The following ZNF653 variants were observed in gnomAD, a reference collection of about 807,000 sequenced individuals.
The protein encoded by ZNF653 is zinc finger protein 653, also known as 67 kDa zinc finger protein.
ZNF653 carries 37 observed loss-of-function variants against 59.9 expected under a neutral mutation model. The observed-to-expected ratio is 0.62, with a 90% CI of 0.48 to 0.81. The LOEUF is 0.81. Ranked by LOEUF, ZNF653 falls within the 40% of genes least tolerant of loss-of-function variation. ZNF653 has a pLI of 0.00. For synonymous variants in ZNF653, 435 were observed against 371.8 expected (o/e 1.17, Z -1.96); for missense variants, 808 against 881.1 (o/e 0.92, Z 1.05).
rs561144019 is a variant in ZNF653, at chr19:11,495,816, C to T, written c.559+134G>A. 1 of 926,244 alleles carries T rather than the reference C, an allele frequency of 1.1e-6. No homozygotes were observed. Among genetic ancestry groups the T allele is most frequent in the African/African-American group, 1.6e-5 (1 of 60,852 alleles). The allele number at this position is 926,244 out of a possible 1,614,324, so 57.4% of individuals were successfully genotyped here. A position where few individuals can be genotyped will look rare whatever the true frequency, so the allele number is the denominator to read the frequency against. On this transcript the variant is annotated intron_variant, in intron 3 of 8. Transcript: ENST00000293771. The surrounding 1 kb of genome is among the most constrained non-coding windows in gnomAD (Gnocchi z 4.9). The stretch of plus-strand genomic sequence containing the variant: ...AGGACTCAGCCTGGCCCATCGTGTC[C>T]CTGCTCTGCCCCAGTGCCAGAGCCA...
intron 8 of ZNF653, 69 bp downstream of exon 8, chr19:11,483,973 C>A: frequency 6.5e-7 from 1 of 1,532,450 alleles, no homozygotes; most frequent in South Asian, 1.2e-5. Flanking sequence ...GGGGCGAAGC[C>A]GCCCCTGGGA....
At chr19:11,505,112 G>A (rs1971696320) in intron 1 of ZNF653, 1 of 208,424 alleles carries the variant, frequency 4.8e-6, no homozygotes, top group Admixed American at 6.1e-5. Flanking sequence ...CAGGCCAGGT[G>A]GGGAACTAAG....
At chr19:11,494,257 G>GATCCAA (rs1971558387) in intron 3 of ZNF653, among the ~76,000 whole-genome samples, 1 of 151,630 alleles carries the variant, frequency 6.6e-6, no homozygotes, top group Admixed American at 6.6e-5. Context: ...GGGAGGCAGA[G>GATCCAA]GTTGCAGTGA....
chr19:11,505,389 G>A (rs772362075), intron 1 of ZNF653, 99 bp downstream of exon 1: 8 of 1,257,722 alleles, frequency 6.4e-6, no homozygotes, highest in Non-Finnish European at 8.2e-6. Flanking sequence ...GGGTCCGCAG[G>A]TGCCGGGGGC....
At chr19:11,491,344 C>G (rs970400259) in intron 3 of ZNF653, among the ~76,000 whole-genome samples, 1 of 152,140 alleles carries the variant, frequency 6.6e-6, no homozygotes, top group Admixed American at 6.5e-5. Context: ...CCAGGACCCA[C>G]AAGGAGGCTG....
At chr19:11,490,670 G>C (rs542352960) in intron 3 of ZNF653, among the ~76,000 whole-genome samples, 1 of 152,034 alleles carries the variant, frequency 6.6e-6, no homozygotes, top group Admixed American at 6.6e-5. Flanking sequence ...TGGGATTACA[G>C]GTGTGAGCCA....
In ZNF653 at chr19:11,487,905, T is replaced by C; in HGVS notation, c.560-2A>G. The C allele has an allele frequency of 6.3e-7, 1 of 1,575,552 alleles. No individual in the cohort carries two copies. The highest frequency in any genetic ancestry group is 8.6e-7 in the Non-Finnish European group (1 of 1,159,374). On this transcript the variant is annotated splice_acceptor_variant, in intron 3 of 8. Coordinates refer to ENST00000293771, the MANE Select transcript of ZNF653 (RefSeq NM_138783.4). LOFTEE classifies it high-confidence loss of function. The surrounding 1 kb of genome is among the most constrained non-coding windows in gnomAD (Gnocchi z 5.1). ...TGCCAGCCACCAGCCCATTGCCCACTGTGGGGACAGAAGAAAGGGAGTGGT... is the reference window on the plus strand; with the variant it reads ...TGCCAGCCACCAGCCCATTGCCCACCGTGGGGACAGAAGAAAGGGAGTGGT...
At position 11,486,906 on chromosome 19, in the gene ZNF653, G is replaced by A. The variant is rs773050469; in HGVS notation, c.1344-26C>T. The A allele has an allele frequency of 1.1e-5, 17 of 1,610,672 alleles. No homozygotes were observed. In the Admixed American group the frequency reaches 1.2e-4, roughly 11 times the overall value. ...CTGGAGGGGAAGGGGCCATGACATC[G>A]GGGCTCCCGCACCAGGCAGGCTGGG... On this transcript the variant is annotated intron_variant, in intron 5 of 8. Transcript: ENST00000293771.
At chr19:11,504,603 C>T (rs148870439) in intron 1 of ZNF653, 1 of 982,980 alleles carries the variant, frequency 1.0e-6, no homozygotes, top group Non-Finnish European at 1.2e-6. Context: ...CTGTTTGATT[C>T]TTGACTCTCA....
At chr19:11,486,953 C>G (rs1038274365) in intron 5 of ZNF653, 34 bp downstream of exon 5, 1 of 1,611,846 alleles carries the variant, frequency 6.2e-7, no homozygotes, top group African/African-American at 1.3e-5. Flanking sequence ...CGCTTCTAGC[C>G]CTCGCCCTCA....
Position 11,484,126 on chromosome 19 carries a change from G to C in ZNF653, c.1586C>G (p.Thr529Ser), listed in dbSNP as rs149037386. 1.9e-6 allele frequency: 3 copies of C among 1,553,766 alleles called. No individual in the cohort carries two copies. Among genetic ancestry groups the C allele is most frequent in the Non-Finnish European group, 2.6e-6 (3 of 1,148,320 alleles). ...MIIHSGVREF[T>S]CETCGKSFKR... ...GAAGGACTTGCCGCAGGTCTCGCAG[G>C]TGAATTCACGGACACCTGGGGGCGG... Residue 529 changes from threonine (T) to serine (S), a missense_variant, in exon 8 of 9, where the codon ACC becomes AGC. Thr to Ser is a moderately conservative substitution (Grantham distance 58). Coordinates refer to ENST00000293771, the MANE Select transcript of ZNF653 (RefSeq NM_138783.4).
At chr19:11,502,113 A>G in intron 1 of ZNF653, among the ~76,000 whole-genome samples, 1 of 145,684 alleles carries the variant, frequency 6.9e-6, no homozygotes, top group East Asian at 2.1e-4. Context: ...TTACTTTTTG[A>G]GACAGTCTTG....
rs1971493946 is a variant in ZNF653 at position 11,488,339 on chromosome 19, T to C, written c.560-436A>G. On this transcript the variant is annotated intron_variant, in intron 3 of 8. Coordinates refer to ENST00000293771, the MANE Select transcript of ZNF653 (RefSeq NM_138783.4). Reference sequence around the variant, plus strand: ...TAATGTTTTGTATTTTTAATAGAGATAGGGGTTCACCAGGATGGTCTCGAT... The same window carrying C: ...TAATGTTTTGTATTTTTAATAGAGACAGGGGTTCACCAGGATGGTCTCGAT... 3.3e-5 allele frequency among the ~76,000 whole-genome samples: 5 copies of C among 151,680 alleles called. No individual in the cohort carries two copies. In the South Asian group the frequency reaches 8.3e-4, roughly 25 times the overall value.
intron 1 of ZNF653, among the ~76,000 whole-genome samples, chr19:11,502,187 G>A (rs1197028317): frequency 3.3e-5 from 5 of 151,932 alleles, no homozygotes; most frequent in African/African-American, 4.8e-5. Flanking sequence ...CACCTCCCGG[G>A]TTCCAGTGAT....
Position 11,495,998 on chromosome 19 carries a change from G to C in ZNF653, c.511C>G (p.His171Asp). Residue 171 changes from histidine to aspartate, a missense_variant, in exon 3 of 9, where the codon CAT becomes GAT. Physicochemically the swap from His to Asp is moderately conservative, Grantham distance 81. Coordinates refer to ENST00000293771, the MANE Select transcript of ZNF653 (RefSeq NM_138783.4). This position sits in a 1 kb window ranked among gnomAD's most constrained non-coding sequence, Gnocchi z 4.9. ...TCGCTGAGGGGCTTCAGGGGCGAAT[G>C]CAGGTCCTGGAAGTAGCGGTGGCCA... Reference protein sequence around the residue: ...EAGHRYFQDLHSPLKPLSDSD... With the variant: ...EAGHRYFQDLDSPLKPLSDSD... 1.9e-6 allele frequency: 3 copies of C among 1,614,168 alleles called. No individual in the cohort carries two copies. The highest frequency in any genetic ancestry group is 2.5e-6 in the Non-Finnish European group (3 of 1,180,016).
chr19:11,503,648 A>C (rs549564094), intron 1 of ZNF653, among the ~76,000 whole-genome samples: 21 of 151,662 alleles, frequency 1.4e-4, no homozygotes, highest in Non-Finnish European at 2.6e-4. Context: ...TCTCCATGAA[A>C]AATTAAAAAA....
intron 1 of ZNF653, chr19:11,505,117 A>G (rs1320865555): frequency 1.5e-5 from 3 of 199,914 alleles, no homozygotes; most frequent in African/African-American, 2.4e-5. Flanking sequence ...CAGGTGGGGA[A>G]CTAAGCGGGG....
intron 3 of ZNF653, among the ~76,000 whole-genome samples, chr19:11,492,083 G>A (rs184376192): frequency 2.2e-4 from 34 of 151,786 alleles, no homozygotes; most frequent in African/African-American, 6.3e-4. Context: ...AGTTTTGCTC[G>A]TTACCCAGGC....
chr19:11,500,692 AGTGTCACATTGCAGTGGGGACAGTCTTGG>A, intron 1 of ZNF653: 1 of 152,168 alleles, frequency 6.6e-6, no homozygotes, highest in African/African-American at 2.4e-5. Flanking sequence ...GGAGGCTGGG[AGTGTCACATTGCAGTGGGGACAGTCTTGG>A]GTATCAGCCA....
Sources: allele counts gnomAD v4.1 joint callset (sites outside exome capture counted in the v4.1 genomes callset), GRCh38; gene constraint gnomAD v4.1.1; non-coding constraint Gnocchi (gnomAD v3.1); transcripts MANE v1.5; gene names NCBI Gene and HGNC (gene_info 2026-07-23, HGNC 2026-07-21).